The following NTM variants were observed in gnomAD, a reference collection of about 807,000 sequenced individuals.
NTM encodes IgLON family member 2.
A neutral mutation model predicts 42.1 loss-of-function variants in NTM; 13 were observed. The observed-to-expected ratio is 0.31, with a 90% CI of 0.20 to 0.49. NTM has a LOEUF of 0.49. Among genes scored for constraint, NTM ranks in the 20% least tolerant of loss-of-function variants. NTM has a pLI of 0.99. For synonymous variants in NTM, 187 were observed against 179.2 expected, an observed-to-expected ratio of 1.04 and a Z score of -0.35; for missense variants, 373 against 452.8, an observed-to-expected ratio of 0.82 and a Z score of 1.60.
chr11:132,051,804 T>G (rs1793640), intron 2 of NTM, among the ~76,000 whole-genome samples: 54,972 of 152,156 alleles, frequency 0.36, 11,082 homozygotes, highest in East Asian at 0.81. Flanking sequence ...ATGTGAGCTT[T>G]ATCAAGTGCT....
intron 1 of NTM, among the ~76,000 whole-genome samples, chr11:131,489,742 T>G (rs1475687674): frequency 5.9e-5 from 9 of 152,196 alleles, no homozygotes; most frequent in African/African-American, 2.2e-4. Context: ...TCAACATACA[T>G]TACTAAAAGA....
At chr11:131,547,234 G>C (rs2054063353) in intron 1 of NTM, among the ~76,000 whole-genome samples, 2 of 152,230 alleles carry the variant, frequency 1.3e-5, no homozygotes, top group Non-Finnish European at 2.9e-5. Flanking sequence ...GTCAGTGAAT[G>C]TTGCAAACTA....
intron 1 of NTM, among the ~76,000 whole-genome samples, chr11:131,517,619 A>G (rs563839300): frequency 5.9e-5 from 9 of 152,220 alleles, no homozygotes; most frequent in Non-Finnish European, 7.3e-5. Flanking sequence ...TTTTAAGCTG[A>G]TAAGTGTGGA....
At chr11:131,684,860 T>G (rs2073606760) in intron 1 of NTM, among the ~76,000 whole-genome samples, 1 of 152,164 alleles carries the variant, frequency 6.6e-6, no homozygotes, top group Admixed American at 6.5e-5. Context: ...AGCCCCACCA[T>G]GGTGAAGAGC....
chr11:131,766,208 C>T (rs1459266219), intron 1 of NTM, among the ~76,000 whole-genome samples: 2 of 152,232 alleles, frequency 1.3e-5, no homozygotes, highest in South Asian at 4.2e-4. Flanking sequence ...TCCATATATG[C>T]CCTTTGGGTT....
chr11:132,005,233 A>G (rs1355125127), intron 2 of NTM, among the ~76,000 whole-genome samples: 1 of 152,198 alleles, frequency 6.6e-6, no homozygotes, highest in East Asian at 1.9e-4. Context: ...TGAGTGTGAT[A>G]GCTGGCCAGA....
At chr11:132,172,860 A>G (rs889150177) in intron 3 of NTM, among the ~76,000 whole-genome samples, 1 of 152,194 alleles carries the variant, frequency 6.6e-6, no homozygotes, top group Non-Finnish European at 1.5e-5. Context: ...GCCATGTGTG[A>G]TTGGTGAATT....
intron 1 of NTM, among the ~76,000 whole-genome samples, chr11:131,487,843 T>G (rs1591809177): frequency 6.6e-6 from 1 of 152,148 alleles, no homozygotes; most frequent in South Asian, 2.1e-4. Context: ...CACTGACAGG[T>G]GCAGCTCTGG....
intron 3 of NTM, among the ~76,000 whole-genome samples, chr11:132,170,896 G>C (rs555721066): frequency 1.3e-5 from 2 of 152,128 alleles, no homozygotes; most frequent in African/African-American, 4.8e-5. Flanking sequence ...TGGGGATTGC[G>C]GTATTTGAGG....
At chr11:131,963,473 T>C (rs893477511) in intron 2 of NTM, among the ~76,000 whole-genome samples, 18 of 152,352 alleles carry the variant, frequency 1.2e-4, no homozygotes, top group African/African-American at 4.3e-4. Context: ...TTGTTCAGTC[T>C]ACAAATATCC....
At chr11:131,822,447 GT>G (rs1007393091) in intron 1 of NTM, among the ~76,000 whole-genome samples, 3 of 152,186 alleles carry the variant, frequency 2.0e-5, no homozygotes, top group East Asian at 3.9e-4. Flanking sequence ...ATGAATTATG[GT>G]TTTTTTAAAA....
At chr11:132,268,670 C>G (rs5014310) in intron 4 of NTM, among the ~76,000 whole-genome samples, 125,796 of 146,280 alleles carry the variant, frequency 0.86, 54,000 homozygotes, top group East Asian at 0.91. Context: ...CTCTCTCTCT[C>G]TGTGTGTGTG....
intron 1 of NTM, among the ~76,000 whole-genome samples, chr11:131,641,667 G>T (rs1592330585): frequency 6.6e-6 from 1 of 152,068 alleles, no homozygotes; most frequent in Admixed American, 6.6e-5. Context: ...GCCACAAAAG[G>T]TGCACTACTT....
intron 1 of NTM, among the ~76,000 whole-genome samples, chr11:131,746,663 A>G (rs907920983): frequency 6.6e-6 from 1 of 152,190 alleles, no homozygotes; most frequent in African/African-American, 2.4e-5. Context: ...TAATAAGCCT[A>G]TGCATTTAAA....
chr11:131,703,407 A>T (rs1565446596), intron 1 of NTM, among the ~76,000 whole-genome samples: 2 of 152,364 alleles, frequency 1.3e-5, no homozygotes, highest in Non-Finnish European at 2.9e-5. Flanking sequence ...ATAAATATAC[A>T]TCAGGATTTT....
intron 1 of NTM, among the ~76,000 whole-genome samples, chr11:131,603,609 C>T (rs912051528): frequency 3.3e-5 from 5 of 152,100 alleles, no homozygotes; most frequent in Non-Finnish European, 7.3e-5. Flanking sequence ...GAGTTGTGCA[C>T]CTATAACCAC....
intron 3 of NTM, among the ~76,000 whole-genome samples, chr11:132,158,662 G>A (rs1025213023): frequency 2.1e-4 from 32 of 152,306 alleles, no homozygotes; most frequent in African/African-American, 6.3e-4. Flanking sequence ...AAGGCCTACC[G>A]TTAAGTGGAC....
chr11:132,039,186 AT>A (rs1462884822), intron 2 of NTM, among the ~76,000 whole-genome samples: 1 of 152,046 alleles, frequency 6.6e-6, no homozygotes, highest in Non-Finnish European at 1.5e-5. Context: ...CTCCCACCCA[AT>A]TGGACCGCAG....
At chr11:131,837,573 C>T (rs2043671145) in intron 1 of NTM, among the ~76,000 whole-genome samples, 1 of 152,180 alleles carries the variant, frequency 6.6e-6, no homozygotes, top group Non-Finnish European at 1.5e-5. Flanking sequence ...ACAGATCACC[C>T]TTAAGTAATA....
Sources: gnomAD v4.1 joint callset for allele counts (sites outside exome capture counted in the v4.1 genomes callset) on GRCh38, gnomAD v4.1.1 for gene constraint, MANE v1.5 for transcripts, NCBI Gene and HGNC (gene_info 2026-07-23, HGNC 2026-07-21) for gene names.